The following PTPRD variants were observed in gnomAD, a reference collection of about 807,000 sequenced individuals.
PTPRD encodes the protein protein tyrosine phosphatase receptor type D.
A neutral mutation model predicts 214.5 loss-of-function variants in PTPRD; 34 were observed. The ratio of observed to expected loss-of-function variants is 0.16; its 90% CI spans 0.12 to 0.21. PTPRD has a LOEUF of 0.21. Among genes scored for constraint, PTPRD ranks in the 10% least tolerant of loss-of-function variants. The pLI, the probability that PTPRD is intolerant of heterozygous loss-of-function variation, is 1.00. For synonymous variants in PTPRD, 1,128 were observed against 845.7 expected, an observed-to-expected ratio of 1.33 and a Z score of -5.79; for missense variants, 2,545 against 2,398.7, an observed-to-expected ratio of 1.06 and a Z score of -1.27.
At chr9:10,031,236 C>G (rs1388652944) in intron 4 of PTPRD, among the ~76,000 whole-genome samples, 1 of 151,916 alleles carries the variant, frequency 6.6e-6, no homozygotes, top group Non-Finnish European at 1.5e-5. Flanking sequence ...GTGAAAAACG[C>G]CATAATCAAT....
chr9:9,021,645 T>C (rs559336056), intron 10 of PTPRD, among the ~76,000 whole-genome samples: 1 of 152,266 alleles, frequency 6.6e-6, no homozygotes, highest in South Asian at 2.1e-4. Context: ...TTATTGCCCC[T>C]GAAGATCTTC....
chr9:8,743,732 A>G (rs1211826371), intron 11 of PTPRD, among the ~76,000 whole-genome samples: 2 of 151,976 alleles, frequency 1.3e-5, no homozygotes, highest in African/African-American at 4.8e-5. Flanking sequence ...CAAATGCAAC[A>G]AAAACAAACA....
Position 9,155,482 on chromosome 9 carries a change from T to C in PTPRD, c.-143+27822A>G, listed in dbSNP as rs186408800. ...TCTAGCCTACAAAGGTGGCACATATTGGTAACCAGAATTATAAGATTGATT... is the reference window on the plus strand; with the variant it reads ...TCTAGCCTACAAAGGTGGCACATATCGGTAACCAGAATTATAAGATTGATT... On this transcript the variant is annotated intron_variant, in intron 10 of 45. Transcript: ENST00000381196. 3.3e-5 allele frequency among the ~76,000 whole-genome samples: 5 copies of C among 152,218 alleles called. No homozygotes were observed. The East Asian group carries it at 9.7e-4, about 30-fold the overall frequency.
chr9:8,381,520 G>A (rs975487010), intron 37 of PTPRD, among the ~76,000 whole-genome samples: 1 of 152,096 alleles, frequency 6.6e-6, no homozygotes, highest in Non-Finnish European at 1.5e-5. Context: ...CAGTCAGTCT[G>A]GTTTGTGTAT....
intron 11 of PTPRD, among the ~76,000 whole-genome samples, chr9:8,810,265 C>T (rs947339693): frequency 6.6e-6 from 1 of 152,150 alleles, no homozygotes; most frequent in African/African-American, 2.4e-5. Flanking sequence ...AAAAAAAATC[C>T]TGTGGCGATA....
chr9:10,324,520 A>G (rs1450576063), intron 3 of PTPRD, among the ~76,000 whole-genome samples: 1 of 152,038 alleles, frequency 6.6e-6, no homozygotes, highest in Non-Finnish European at 1.5e-5. Context: ...GGATATGCAT[A>G]GTAGTTGCCT....
intron 9 of PTPRD, among the ~76,000 whole-genome samples, chr9:9,193,939 T>G (rs1464208051): frequency 6.6e-6 from 1 of 152,184 alleles, no homozygotes; most frequent in Non-Finnish European, 1.5e-5. Flanking sequence ...TTTAAAAATT[T>G]TTTGGCTCTT....
chr9:8,484,813 C>T (rs1053142196), intron 29 of PTPRD, among the ~76,000 whole-genome samples: 1 of 152,116 alleles, frequency 6.6e-6, no homozygotes. Context: ...TAAATATGTA[C>T]TTGCTAACAT....
intron 11 of PTPRD, among the ~76,000 whole-genome samples, chr9:8,774,516 G>A (rs1013303960): frequency 3.5e-5 from 5 of 141,872 alleles, no homozygotes; most frequent in Admixed American, 2.2e-4. Flanking sequence ...CAAAATGCAT[G>A]TGAAAAGTAA....
At chr9:9,042,610 T>A (rs1381416750) in intron 10 of PTPRD, among the ~76,000 whole-genome samples, 1 of 83,644 alleles carries the variant, frequency 1.2e-5, no homozygotes, top group South Asian at 3.4e-4. Context: ...TTTTTCTTTT[T>A]TTTCTTTTCT....
At chr9:9,439,607 C>T (rs931682800) in intron 8 of PTPRD, among the ~76,000 whole-genome samples, 1 of 152,082 alleles carries the variant, frequency 6.6e-6, no homozygotes, top group African/African-American at 2.4e-5. Flanking sequence ...GAGGTGCATT[C>T]CATTAAAAGC....
At chr9:9,347,048 C>A (rs1299582462) in intron 9 of PTPRD, among the ~76,000 whole-genome samples, 1 of 152,034 alleles carries the variant, frequency 6.6e-6, no homozygotes, top group Non-Finnish European at 1.5e-5. Flanking sequence ...ACGCTTGTAA[C>A]CTTAACACTT....
At chr9:8,832,757 A>G (rs915356210) in intron 11 of PTPRD, among the ~76,000 whole-genome samples, 2 of 151,474 alleles carry the variant, frequency 1.3e-5, no homozygotes, top group Admixed American at 6.6e-5. Context: ...TGGATATTCA[A>G]TATTTCTCTA....
rs370596246 is a variant in PTPRD at position 9,389,300 on chromosome 9, T to G, written c.-203+8149A>C. ...CCGAGGCAGGTGGATCACCTGAGATTGGGAGCTTGAGACCAGCCTGACCAA... is the reference window on the plus strand; with the variant it reads ...CCGAGGCAGGTGGATCACCTGAGATGGGGAGCTTGAGACCAGCCTGACCAA... On this transcript the variant is annotated intron_variant, in intron 9 of 45. Transcript: ENST00000381196. Among the ~76,000 whole-genome samples, 119 of 152,216 alleles carry G rather than the reference T, an allele frequency of 7.8e-4. 1 individual carries two copies. The highest frequency in any genetic ancestry group is 2.7e-3 in the African/African-American group (113 of 41,550).
At chr9:9,895,926 C>A (rs2074839376) in intron 5 of PTPRD, among the ~76,000 whole-genome samples, 1 of 151,862 alleles carries the variant, frequency 6.6e-6, no homozygotes. Context: ...GAAAGTCTTT[C>A]TTGAGGTTAT....
At chr9:9,405,201 C>T (rs1382385478) in intron 8 of PTPRD, among the ~76,000 whole-genome samples, 1 of 152,040 alleles carries the variant, frequency 6.6e-6, no homozygotes, top group Non-Finnish European at 1.5e-5. Context: ...CTCTGCTATG[C>T]ATTTTGGGAA....
chr9:10,572,428 C>T (rs2067749109), intron 2 of PTPRD, among the ~76,000 whole-genome samples: 1 of 152,096 alleles, frequency 6.6e-6, no homozygotes, highest in Non-Finnish European at 1.5e-5. Context: ...CAAATCATCT[C>T]AATATCACAC....
At chr9:8,438,922 G>A (rs2095448571) in intron 34 of PTPRD, 1 of 152,118 alleles carries the variant, frequency 6.6e-6, no homozygotes, top group East Asian at 1.9e-4. Context: ...TTTACTTGTG[G>A]CATGCACTGG....
intron 10 of PTPRD, among the ~76,000 whole-genome samples, chr9:9,036,923 T>A (rs1454515104): frequency 6.6e-6 from 1 of 152,112 alleles, no homozygotes; most frequent in Non-Finnish European, 1.5e-5. Flanking sequence ...TTCTCATAGT[T>A]CAATGAACTG....
Sources: gnomAD v4.1 joint callset for allele counts (sites outside exome capture counted in the v4.1 genomes callset) on GRCh38, gnomAD v4.1.1 for gene constraint, MANE v1.5 for transcripts, NCBI Gene and HGNC (gene_info 2026-07-23, HGNC 2026-07-21) for gene names.